The following SELPLG variants were observed in gnomAD, a reference collection of about 807,000 sequenced individuals.
The protein encoded by SELPLG is selectin P ligand.
A neutral mutation model predicts 1.1 loss-of-function variants in SELPLG; 2 were observed. That is an observed-to-expected ratio of 1.82 (90% CI 0.74 to 5.71). SELPLG has a LOEUF of 5.71. Among genes scored for constraint, SELPLG ranks in the 30% most tolerant of loss-of-function variants. The pLI is 0.05. For synonymous variants in SELPLG, 230 were observed against 221.2 expected (o/e 1.04, Z -0.35); for missense variants, 478 against 524.7 (o/e 0.91, Z 0.87).
At chr12:108,630,127 C>G (rs1270823519) in intron 1 of SELPLG, among the ~76,000 whole-genome samples, 1 of 152,236 alleles carries the variant, frequency 6.6e-6, no homozygotes, top group East Asian at 1.9e-4. Flanking sequence ...GAGGCGTCTC[C>G]AGTGACCACG....
chr12:108,632,386 TGG>T (rs1354301986), intron 1 of SELPLG, among the ~76,000 whole-genome samples: 3 of 104,806 alleles, frequency 2.9e-5, no homozygotes, highest in African/African-American at 1.2e-4. Context: ...ATCGACAATA[TGG>T]GGTGTGTGTG....
Position 108,623,590 on chromosome 12 carries a change from C to T in SELPLG, c.718G>A (p.Glu240Lys), listed in dbSNP as rs370489823. The T allele has an allele frequency of 3.4e-5, 55 of 1,612,978 alleles. 1 individual carries two copies. In the African/African-American group the frequency reaches 5.1e-4, roughly 15 times the overall value. The stretch of plus-strand genomic sequence containing the variant: ...GCTGTGGGTTGAGTGGTCTGTGCCT[C>T]CGTGGCTTCTGGTGCAGTGGTCTGT... ...EAQTTAPEAT[E>K]AQTTQPTATE... The change falls in exon 2 of 2, where the codon GAG (glutamate) becomes AAG (lysine). Residue 240 changes from glutamate (E) to lysine (K), a missense_variant. Coordinates refer to ENST00000550948, the MANE Select transcript of SELPLG (RefSeq NM_003006.4).
chr12:108,630,438 A>G (rs1365277336), intron 1 of SELPLG, among the ~76,000 whole-genome samples: 1 of 152,242 alleles, frequency 6.6e-6, no homozygotes, highest in Non-Finnish European at 1.5e-5. Flanking sequence ...GCTAAAATTC[A>G]AAAGACTGAG....
In SELPLG at chr12:108,623,727, G is replaced by T; in HGVS notation, c.581C>A (p.Thr194Asn). ...CTGTGCCTCCATGGCTGCTGGTGCAGTGGTCTGTGCCTCCAGGCCTGTGGG... is the reference window on the plus strand; with the variant it reads ...CTGTGCCTCCATGGCTGCTGGTGCATTGGTCTGTGCCTCCAGGCCTGTGGG... ...TQPTGLEAQT[T>N]APAAMEAQTT... The change falls in exon 2 of 2, where the codon ACT becomes AAT. Residue 194 changes from threonine to asparagine, a missense_variant. Physicochemically the swap from Thr to Asn is moderately conservative, Grantham distance 65. Coordinates refer to ENST00000550948, the MANE Select transcript of SELPLG (RefSeq NM_003006.4). 6.2e-7 allele frequency: 1 copy of T among 1,607,258 alleles called. No homozygotes were observed.
At chr12:108,629,620 G>A (rs991464958) in intron 1 of SELPLG, among the ~76,000 whole-genome samples, 4 of 152,182 alleles carry the variant, frequency 2.6e-5, no homozygotes, top group African/African-American at 9.6e-5. Context: ...GAGGCCAGAG[G>A]ATGGCTTGAG....
chr12:108,629,660 C>A (rs922745536), intron 1 of SELPLG, among the ~76,000 whole-genome samples: 2 of 152,034 alleles, frequency 1.3e-5, no homozygotes, highest in African/African-American at 4.8e-5. Context: ...GAGCTATGAT[C>A]GCACCACTGC....
chr12:108,623,377 C>G lies in SELPLG; in HGVS notation c.931G>C (p.Ala311Pro), dbSNP rs768736146. 1.9e-6 allele frequency: 3 copies of G among 1,614,254 alleles called. No individual in the cohort carries two copies. The highest frequency in any genetic ancestry group is 1.7e-6 in the Non-Finnish European group (2 of 1,180,046). Residue 311 changes from alanine to proline, a missense_variant, in exon 2 of 2, where the codon GCC becomes CCC. Ala to Pro is a conservative substitution (Grantham distance 27). Transcript: ENST00000550948. ...SNLSVNYPVG[A>P]PDHISVKQCL... ...TGCTTCACAGAGATGTGGTCTGGGG[C>G]CCCCACTGGGTAGTTGACGGACAAA...
intron 1 of SELPLG, among the ~76,000 whole-genome samples, chr12:108,624,738 G>A (rs1202326068): frequency 6.8e-6 from 1 of 147,680 alleles, no homozygotes; most frequent in Non-Finnish European, 1.5e-5. Context: ...CACCCAGGCT[G>A]GAGTACAGTG....
In SELPLG at chr12:108,623,824, G is replaced by T; in HGVS notation, c.484C>A (p.Gln162Lys). Residue 162 changes from glutamine (Q) to lysine (K), a missense_variant, in exon 2 of 2, where the codon CAG becomes AAG. Transcript: ENST00000550948. Reference protein sequence around the residue: ...QTTRLTATEAQTTPLAATEAQ... With the variant: ...QTTRLTATEAKTTPLAATEAQ... ...TCTGTGGCTGCCAGTGGAGTGGTCT[G>T]TGCCTCCGTGGCCGTCAGTCGAGTT... 6.2e-7 allele frequency: 1 copy of T among 1,611,780 alleles called. No individual in the cohort carries two copies. The highest frequency in any genetic ancestry group is 8.5e-7 in the Non-Finnish European group (1 of 1,179,050).
intron 1 of SELPLG, chr12:108,631,951 C>A (rs974077429): frequency 6.5e-7 from 1 of 1,535,016 alleles, no homozygotes; most frequent in Non-Finnish European, 8.7e-7. Context: ...CCTAGGGTCA[C>A]CACGAACTCC....
chr12:108,622,910 T>G lies in SELPLG; in HGVS notation c.*159A>C, dbSNP rs994779611. ...GCCCGTCTGCTTGGCCCCAGGCTGC[T>G]CTTGTCCTGTTTGGGTGGCCAGAGT... On this transcript the variant is annotated 3_prime_UTR_variant, in exon 2 of 2. Transcript: ENST00000550948. The G allele has an allele frequency of 1.4e-6, 1 of 716,466 alleles. No individual in the cohort carries two copies. Among genetic ancestry groups the G allele is most frequent in the Non-Finnish European group, 2.2e-6 (1 of 463,368 alleles). The allele number at this position is 716,466 out of a possible 1,614,324, so 44.4% of individuals were successfully genotyped here. A position where few individuals can be genotyped will look rare whatever the true frequency, so the allele number is the denominator to read the frequency against.
Position 108,623,526 on chromosome 12 carries a change from G to T in SELPLG, c.782C>A (p.Ala261Asp), listed in dbSNP as rs771448600. Residue 261 changes from alanine (A) to aspartate (D), a missense_variant, in exon 2 of 2, where the codon GCC becomes GAC. Ala to Asp is a moderately radical substitution (Grantham distance 126, BLOSUM62 -2). Coordinates refer to ENST00000550948, the MANE Select transcript of SELPLG (RefSeq NM_003006.4). ...TGTGGCACTGGGTTCTGTGGACAGG[G>T]CCTCCATGGCTGCCAGTGGAGTGGT... ...AQTTPLAAME[A>D]LSTEPSATEA... The T allele has an allele frequency of 1.2e-6, 2 of 1,614,160 alleles. No individual in the cohort carries two copies. The highest frequency in any genetic ancestry group is 1.7e-6 in the Non-Finnish European group (2 of 1,180,060).
intron 1 of SELPLG, chr12:108,631,873 C>T: frequency 6.5e-7 from 1 of 1,535,384 alleles, no homozygotes; most frequent in Non-Finnish European, 8.7e-7. Context: ...CATCTTATCT[C>T]CTTCTAGACC....
intron 1 of SELPLG, among the ~76,000 whole-genome samples, chr12:108,630,638 A>G (rs1247946081): frequency 1.3e-5 from 2 of 151,814 alleles, no homozygotes; most frequent in East Asian, 3.9e-4. Flanking sequence ...GGGGCAACTC[A>G]CCTCACCTCT....
At position 108,623,268 on chromosome 12, in the gene SELPLG, C is replaced by A; in HGVS notation, c.1040G>T (p.Arg347Leu). The change falls in exon 2 of 2, where the codon CGC becomes CTC. Residue 347 changes from arginine (R) to leucine (L), a missense_variant. By Grantham distance (102) the Arg-to-Leu change is moderately radical. Coordinates refer to ENST00000550948, the MANE Select transcript of SELPLG (RefSeq NM_003006.4). The part of the protein sequence containing the change: ...CTVVLAVRLS[R>L]KGHMYPVRNY... Reference sequence around the variant, plus strand: ...ACGCACGGGGTACATGTGGCCCTTGCGGGAGAGGCGGACCGCCAGCACCAC... The same window carrying A: ...ACGCACGGGGTACATGTGGCCCTTGAGGGAGAGGCGGACCGCCAGCACCAC... The A allele has an allele frequency of 6.2e-7, 1 of 1,613,930 alleles. No individual in the cohort carries two copies. Among genetic ancestry groups the A allele is most frequent in the East Asian group, 2.2e-5 (1 of 44,862 alleles).
chr12:108,622,963 G>C lies in SELPLG; in HGVS notation c.*106C>G. ...CTTCCCTGAAGATCCCCATCCCCAG[G>C]GGTCTCCGAGGAAGCCCAGAGCTGT... is the stretch of plus-strand genomic sequence containing the variant. On this transcript the variant is annotated 3_prime_UTR_variant, in exon 2 of 2. Coordinates refer to ENST00000550948, the MANE Select transcript of SELPLG (RefSeq NM_003006.4). The C allele has an allele frequency of 5.8e-6, 7 of 1,206,186 alleles. No individual in the cohort carries two copies. Among genetic ancestry groups the C allele is most frequent in the Non-Finnish European group, 7.8e-6 (7 of 896,090 alleles). The allele number at this position is 1,206,186 out of a possible 1,614,324, so 74.7% of individuals were successfully genotyped here.
intron 1 of SELPLG, chr12:108,631,790 A>T: frequency 1.7e-6 from 2 of 1,158,238 alleles, no homozygotes; most frequent in Non-Finnish European, 2.5e-6. Flanking sequence ...AACTGTCTTT[A>T]AACAGTTTTC....
chr12:108,627,729 T>G (rs1158900426), intron 1 of SELPLG, among the ~76,000 whole-genome samples: 2 of 152,038 alleles, frequency 1.3e-5, no homozygotes, highest in Non-Finnish European at 2.9e-5. Context: ...CTTGAGCCCA[T>G]GAGTTCAAGA....
intron 1 of SELPLG, among the ~76,000 whole-genome samples, chr12:108,625,480 AT>A (rs1478672107): frequency 6.6e-6 from 1 of 152,188 alleles, no homozygotes. Flanking sequence ...AGACTGGCTG[AT>A]TTAGTTCTTT....
Sources: gnomAD v4.1 joint callset for allele counts (sites outside exome capture counted in the v4.1 genomes callset) on GRCh38, gnomAD v4.1.1 for gene constraint, MANE v1.5 for transcripts, NCBI Gene and HGNC (gene_info 2026-07-23, HGNC 2026-07-21) for gene names.